The following DAB1 variants were observed in gnomAD, a reference collection of about 807,000 sequenced individuals.
The protein encoded by DAB1 is disabled homolog 1.
Under a neutral mutation model 64.6 loss-of-function variants are expected in DAB1, and 15 were observed. The ratio of observed to expected loss-of-function variants is 0.23; its 90% CI spans 0.16 to 0.36. DAB1 has a LOEUF of 0.36. DAB1 is among the 10% of genes least tolerant of loss of function. The pLI is 1.00. For synonymous variants in DAB1, 235 were observed against 251.9 expected (o/e 0.93, Z 0.64); for missense variants, 596 against 706.7 (o/e 0.84, Z 1.78).
intron 6 of DAB1, among the ~76,000 whole-genome samples, chr1:57,774,735 G>A (rs537477603): frequency 2.1e-4 from 32 of 151,856 alleles, no homozygotes; most frequent in Non-Finnish European, 3.8e-4. Flanking sequence ...ATCAACCAAT[G>A]TTGTGTTCTG....
chr1:57,323,788 A>G lies in DAB1; in HGVS notation c.-136-32622T>C, dbSNP rs1675924848. On this transcript the variant is annotated intron_variant, in intron 1 of 14. Transcript: ENST00000371236. Reference sequence around the variant, plus strand: ...CTCCGGTAAGGAGTTAAAGTTATTTACCAGGATTTTGAAAATGACATAAAC... The same window carrying G: ...CTCCGGTAAGGAGTTAAAGTTATTTGCCAGGATTTTGAAAATGACATAAAC... Among the ~76,000 whole-genome samples the G allele has an allele frequency of 2.0e-5, 3 of 152,164 alleles. No individual in the cohort carries two copies. In the South Asian group the frequency reaches 6.2e-4, roughly 31 times the overall value.
chr1:57,989,709 G>T (rs12077994), intron 5 of DAB1, among the ~76,000 whole-genome samples: 3,127 of 152,180 alleles, frequency 0.021, 69 homozygotes, highest in African/African-American at 0.052. Flanking sequence ...GGGCTGGGAG[G>T]CTCAGAGAAG....
At chr1:57,216,849 A>G (rs2100359840) in intron 2 of DAB1, among the ~76,000 whole-genome samples, 1 of 152,348 alleles carries the variant, frequency 6.6e-6, no homozygotes, top group Middle Eastern at 3.4e-3. Context: ...ACACTACTTG[A>G]CGTAAGGCAG....
chr1:57,148,852 C>A lies in DAB1; in HGVS notation c.68-3423G>T, dbSNP rs144941674. 2.5e-3 allele frequency among the ~76,000 whole-genome samples: 385 copies of A among 152,318 alleles called. 1 individual carries two copies. The highest frequency in any genetic ancestry group is 0.021 in the Middle Eastern group (6 of 292). ...TTTAAATAACAGCTATATTGAGATA[C>A]AACTCACATACTGTACAATTCACCA... On this transcript the variant is annotated intron_variant, in intron 2 of 14. Transcript: ENST00000371236.
intron 1 of DAB1, among the ~76,000 whole-genome samples, chr1:57,422,360 A>G (rs114889277): frequency 0.011 from 1,644 of 152,298 alleles, 37 homozygotes; most frequent in African/African-American, 0.037. Context: ...TCCAGCTCGC[A>G]GGAGGGCTCG....
At chr1:57,070,159 T>C (rs970978845) in intron 7 of DAB1, among the ~76,000 whole-genome samples, 2 of 152,240 alleles carry the variant, frequency 1.3e-5, no homozygotes, top group East Asian at 3.8e-4. Flanking sequence ...TTTACTTTCA[T>C]TGTAGCAGTA....
At chr1:58,226,558 G>C (rs578176783) in intron 4 of DAB1, among the ~76,000 whole-genome samples, 65 of 152,254 alleles carry the variant, frequency 4.3e-4, no homozygotes, top group African/African-American at 1.4e-3. Context: ...AGTAGCTACA[G>C]ATCTCTCATC....
intron 1 of DAB1, among the ~76,000 whole-genome samples, chr1:58,528,444 T>C (rs560338760): frequency 1.1e-4 from 17 of 152,338 alleles, no homozygotes; most frequent in African/African-American, 3.8e-4. Context: ...AGCCCTGATT[T>C]GTGCCAGGTA....
intron 2 of DAB1, chr1:58,527,222 G>A: frequency 1.2e-6 from 1 of 859,458 alleles, no homozygotes; most frequent in Non-Finnish European, 2.0e-6. Flanking sequence ...TTTCAGCCTG[G>A]GAAGGGCATT....
intron 5 of DAB1, among the ~76,000 whole-genome samples, chr1:58,013,795 T>C (rs1646701996): frequency 6.6e-6 from 1 of 152,186 alleles, no homozygotes; most frequent in Non-Finnish European, 1.5e-5. Flanking sequence ...TGTCAGTAGC[T>C]TGAAATCAGT....
At chr1:58,136,036 G>A (rs548937007) in intron 5 of DAB1, among the ~76,000 whole-genome samples, 2 of 152,250 alleles carry the variant, frequency 1.3e-5, no homozygotes, top group African/African-American at 4.8e-5. Flanking sequence ...CACTCAGATC[G>A]CTGCAACAAA....
chr1:58,007,504 T>G (rs775540220), intron 5 of DAB1, among the ~76,000 whole-genome samples: 1 of 152,220 alleles, frequency 6.6e-6, no homozygotes, highest in African/African-American at 2.4e-5. Flanking sequence ...AAGTTCACCA[T>G]GTCAGCTGCA....
At chr1:57,264,852 A>G (rs186460643) in intron 2 of DAB1, among the ~76,000 whole-genome samples, 1 of 152,340 alleles carries the variant, frequency 6.6e-6, no homozygotes, top group Non-Finnish European at 1.5e-5. Context: ...TGGTGCATAT[A>G]TAAATATCTC....
At chr1:57,607,209 G>T (rs1482993476) in intron 7 of DAB1, among the ~76,000 whole-genome samples, 1 of 152,248 alleles carries the variant, frequency 6.6e-6, no homozygotes, top group Non-Finnish European at 1.5e-5. Flanking sequence ...AAAGTTAAAG[G>T]TGTGATTTTT....
At chr1:57,049,214 C>A (rs1005764191) in intron 9 of DAB1, among the ~76,000 whole-genome samples, 2 of 151,834 alleles carry the variant, frequency 1.3e-5, no homozygotes, top group Admixed American at 1.3e-4. Flanking sequence ...CTTTGGGAGG[C>A]CGAGGCAGGC....
intron 6 of DAB1, among the ~76,000 whole-genome samples, chr1:57,741,664 T>C (rs1043516164): frequency 3.9e-5 from 6 of 152,214 alleles, no homozygotes; most frequent in Non-Finnish European, 5.9e-5. Flanking sequence ...GTTAGGTCTA[T>C]GGAAATCTGC....
chr1:57,057,507 G>C (rs1649891209), intron 9 of DAB1, among the ~76,000 whole-genome samples: 1 of 151,934 alleles, frequency 6.6e-6, no homozygotes, highest in East Asian at 1.9e-4. Context: ...GCGGTTTTCA[G>C]ACAAGTATCT....
intron 2 of DAB1, among the ~76,000 whole-genome samples, chr1:57,254,439 C>T (rs1222926335): frequency 3.3e-5 from 5 of 152,224 alleles, no homozygotes; most frequent in Non-Finnish European, 7.3e-5. Context: ...TAATCCTTCA[C>T]TGGTGTGAAA....
intron 5 of DAB1, among the ~76,000 whole-genome samples, chr1:57,986,886 G>A (rs1336424860): frequency 6.6e-6 from 1 of 152,132 alleles, no homozygotes; most frequent in Non-Finnish European, 1.5e-5. Flanking sequence ...TACATTCGTT[G>A]TCTTATTTCT....
Sources: allele counts gnomAD v4.1 joint callset (sites outside exome capture counted in the v4.1 genomes callset), GRCh38; gene constraint gnomAD v4.1.1; transcripts MANE v1.5; gene names NCBI Gene and HGNC (gene_info 2026-07-23, HGNC 2026-07-21).